Variants in CRYBG1 observed in about 807,000 individuals in gnomAD.
CRYBG1 encodes the protein beta/gamma crystallin domain-containing protein 1.
A neutral mutation model predicts 189.2 loss-of-function variants in CRYBG1; 139 were observed. The ratio of observed to expected loss-of-function variants is 0.73; its 90% CI spans 0.64 to 0.85. The LOEUF (loss-of-function observed/expected upper bound fraction) is 0.85. CRYBG1 is among the 40% of genes least tolerant of loss of function. The pLI is 0.00. For missense variants in CRYBG1, 2,611 were observed against 2,675.8 expected, an observed-to-expected ratio of 0.98 and a Z score of 0.53; for synonymous variants, 1,023 against 1,017.1, an observed-to-expected ratio of 1.01 and a Z score of -0.11.
At position 106,451,138 on chromosome 6, in the gene CRYBG1, G is replaced by T. The variant is rs760366073; in HGVS notation, c.174-556G>T. ...AGTGAAGGGTTGGATAAAGGGAATG[G>T]CTTTGGGGTAGGCAACCATCAGAGT... is the stretch of plus-strand genomic sequence containing the variant. On this transcript the variant is annotated intron_variant, in intron 1 of 21. Coordinates refer to ENST00000633556, the MANE Select transcript of CRYBG1 (RefSeq NM_001371242.2). 7.9e-5 allele frequency among the ~76,000 whole-genome samples: 12 copies of T among 152,184 alleles called. No homozygotes were observed. The East Asian group carries it at 2.1e-3, about 27-fold the overall frequency.
chr6:106,441,621 G>A (rs921082920), intron 1 of CRYBG1, among the ~76,000 whole-genome samples: 2 of 152,240 alleles, frequency 1.3e-5, no homozygotes, highest in East Asian at 1.9e-4. Context: ...AATTCTAGTC[G>A]CTACATAAGG....
intron 11 of CRYBG1, among the ~76,000 whole-genome samples, 192 bp from the exon 12 acceptor site, chr6:106,544,379 A>G (rs1774212107): frequency 1.3e-5 from 2 of 152,062 alleles, no homozygotes; most frequent in Non-Finnish European, 2.9e-5. Context: ...CAACTCTGAT[A>G]TATGTCTCTT....
At chr6:106,557,040 G>A (rs1582838022) in intron 17 of CRYBG1, among the ~76,000 whole-genome samples, 2 of 152,168 alleles carry the variant, frequency 1.3e-5, no homozygotes, top group East Asian at 3.8e-4. Context: ...TTTTAATTGT[G>A]AGGAAATGAA....
At chr6:106,429,334 TATAAA>T (rs1771283388) in intron 1 of CRYBG1, among the ~76,000 whole-genome samples, 1 of 152,146 alleles carries the variant, frequency 6.6e-6, no homozygotes, top group Non-Finnish European at 1.5e-5. Context: ...TTTTAGGGAC[TATAAA>T]ATAAACTAAC....
intron 2 of CRYBG1, among the ~76,000 whole-genome samples, chr6:106,504,412 T>C (rs1159717883): frequency 6.6e-6 from 1 of 152,204 alleles, no homozygotes; most frequent in Non-Finnish European, 1.5e-5. Context: ...TAGTCTTCAC[T>C]CCTTCTAACA....
In CRYBG1 at chr6:106,361,074, G is replaced by A; in HGVS notation, c.166G>A (p.Glu56Lys). 1 of 1,534,836 alleles carries A rather than the reference G, an allele frequency of 6.5e-7. No individual in the cohort carries two copies. The highest frequency in any genetic ancestry group is 1.2e-5 in the South Asian group (1 of 83,986). Residue 56 changes from glutamate to lysine, a missense_variant, in exon 1 of 22, where the codon GAG (glutamate) becomes AAG (lysine). Glu to Lys is a moderately conservative substitution (Grantham distance 56, BLOSUM62 1). Around this residue, in one of 3 missense-constraint regions of CRYBG1, gnomAD observed 985 missense variants for 924.4 expected, o/e 1.07. Transcript: ENST00000633556. ...VPHPLPAPAG[E>K]ARALDVVDGK... ...GCACCCGCTCCCGGCGCCTGCCGGA[G>A]AGGCCAGGTGAGCTCCTCGCCCGAG...
intron 16 of CRYBG1, 86 bp downstream of exon 16, chr6:106,553,653 G>A: frequency 1.1e-6 from 1 of 917,074 alleles, no homozygotes; most frequent in South Asian, 1.4e-5. Context: ...ATGCCTGTTA[G>A]GTGCTTGGCA....
Position 106,560,938 on chromosome 6 carries a change from C to T in CRYBG1, c.5979+12C>T, listed in dbSNP as rs750156664. 6.3e-6 allele frequency: 10 copies of T among 1,589,406 alleles called. No homozygotes were observed. In the East Asian group the frequency reaches 1.8e-4, roughly 29 times the overall value. ...GACCTTTTGTTCAGGTATTTTCTTCCTCTCCATGCTCTGCATAGACTCTTC... is the reference window on the plus strand; with the variant it reads ...GACCTTTTGTTCAGGTATTTTCTTCTTCTCCATGCTCTGCATAGACTCTTC... On this transcript the variant is annotated intron_variant, in intron 19 of 21. Transcript: ENST00000633556.
At chr6:106,365,124 G>T (rs1028982062) in intron 1 of CRYBG1, among the ~76,000 whole-genome samples, 1 of 152,008 alleles carries the variant, frequency 6.6e-6, no homozygotes, top group African/African-American at 2.4e-5. Context: ...ATTAAAAATA[G>T]TAAAAATATT....
intron 1 of CRYBG1, among the ~76,000 whole-genome samples, chr6:106,440,677 T>C (rs752148965): frequency 6.6e-6 from 1 of 152,194 alleles, no homozygotes; most frequent in Non-Finnish European, 1.5e-5. Flanking sequence ...TGCATTTGTG[T>C]GACGGAAAGG....
intron 2 of CRYBG1, among the ~76,000 whole-genome samples, chr6:106,466,155 T>G (rs1772110918): frequency 6.6e-6 from 1 of 152,206 alleles, no homozygotes; most frequent in South Asian, 2.1e-4. Flanking sequence ...ATATTTGAAA[T>G]AGCAAATATT....
At chr6:106,379,900 C>T (rs1770254586) in intron 1 of CRYBG1, among the ~76,000 whole-genome samples, 1 of 152,168 alleles carries the variant, frequency 6.6e-6, no homozygotes, top group Non-Finnish European at 1.5e-5. Context: ...ATTCTAATTA[C>T]AGATCACACT....
intron 1 of CRYBG1, among the ~76,000 whole-genome samples, chr6:106,445,294 G>A (rs753855917): frequency 6.6e-6 from 1 of 152,154 alleles, no homozygotes; most frequent in Non-Finnish European, 1.5e-5. Context: ...CATCTACTGA[G>A]AATTTAAAAT....
intron 2 of CRYBG1, among the ~76,000 whole-genome samples, chr6:106,459,153 T>C (rs985726012): frequency 2.6e-5 from 4 of 152,232 alleles, no homozygotes; most frequent in African/African-American, 9.6e-5. Flanking sequence ...CACCAGGATG[T>C]AACAGGAAAG....
At chr6:106,365,689 T>A (rs73763919) in intron 1 of CRYBG1, among the ~76,000 whole-genome samples, 1,963 of 124,436 alleles carry the variant, frequency 0.016, 128 homozygotes, top group African/African-American at 0.05. Flanking sequence ...TATTTTTTTT[T>A]AAAAAAAGCA....
chr6:106,520,668 C>G lies in CRYBG1; in HGVS notation c.3460C>G (p.Pro1154Ala). The change falls in exon 4 of 22, where the codon CCC (proline) becomes GCC (alanine). Residue 1154 changes from proline (P) to alanine (A), a missense_variant. Coordinates refer to ENST00000633556, the MANE Select transcript of CRYBG1 (RefSeq NM_001371242.2). Reference protein sequence around the residue: ...HEDHLEKVFDPKVFTFGLGKK... With the variant: ...HEDHLEKVFDAKVFTFGLGKK... ...AGACCATTTAGAAAAGGTGTTTGAT[C>G]CCAAAGTGTTTACCTTTGGTTTGGG... 8 of 1,614,134 alleles carry G rather than the reference C, an allele frequency of 5.0e-6. No homozygotes were observed. The highest frequency in any genetic ancestry group is 6.8e-6 in the Non-Finnish European group (8 of 1,180,030).
At chr6:106,383,642 G>T (rs1770329119) in intron 1 of CRYBG1, among the ~76,000 whole-genome samples, 1 of 152,200 alleles carries the variant, frequency 6.6e-6, no homozygotes, top group Admixed American at 6.5e-5. Flanking sequence ...CAGACAAAAA[G>T]TGCTGGTATG....
chr6:106,517,048 C>T (rs1773439897), intron 3 of CRYBG1, among the ~76,000 whole-genome samples: 1 of 127,458 alleles, frequency 7.8e-6, no homozygotes, highest in Admixed American at 9.0e-5. Context: ...CTCACTTTGT[C>T]ACCCAAGCTG....
At chr6:106,478,119 C>A (rs1395786524) in intron 2 of CRYBG1, among the ~76,000 whole-genome samples, 1 of 152,230 alleles carries the variant, frequency 6.6e-6, no homozygotes, top group Non-Finnish European at 1.5e-5. Context: ...TCCACCACTG[C>A]TCCTTTGGGT....
Sources: gnomAD v4.1 joint callset for allele counts (sites outside exome capture counted in the v4.1 genomes callset) on GRCh38, gnomAD v4.1.1 for gene constraint, gnomAD v4.1.1 regional missense constraint, MANE v1.5 for transcripts, NCBI Gene and HGNC (gene_info 2026-07-23, HGNC 2026-07-21) for gene names.